Variants in TBC1D1 observed in about 807,000 individuals in gnomAD.
TBC1D1 encodes TBC1 domain family member 1, also known as TBC1 (tre-2/USP6, BUB2, cdc16) domain family, member 1.
Under a neutral mutation model 125.6 loss-of-function variants are expected in TBC1D1, and 89 were observed. That is an observed-to-expected ratio of 0.71 (90% confidence interval 0.60 to 0.85). The LOEUF is 0.85. Ranked by LOEUF, TBC1D1 falls within the 40% of genes least tolerant of loss-of-function variation. The probability of loss-of-function intolerance (pLI) is 0.00; values close to 1 mark genes in which losing one functional copy is unlikely to be tolerated. For missense variants in TBC1D1, 1,377 were observed against 1,469.2 expected (o/e 0.94, Z 1.03); for synonymous variants, 565 against 564.1 (o/e 1.00, Z -0.02).
At chr4:38,122,404 C>T (rs1764002068) in intron 17 of TBC1D1, among the ~76,000 whole-genome samples, 1 of 149,696 alleles carries the variant, frequency 6.7e-6, no homozygotes, top group Non-Finnish European at 1.5e-5. Flanking sequence ...CACCTTCTGC[C>T]CTGCACAACC....
chr4:38,078,710 C>G (rs894094361), intron 12 of TBC1D1, among the ~76,000 whole-genome samples: 1 of 152,216 alleles, frequency 6.6e-6, no homozygotes, highest in African/African-American at 2.4e-5. Flanking sequence ...TACTGCCACC[C>G]TGATCTTGGA....
intron 15 of TBC1D1, among the ~76,000 whole-genome samples, chr4:38,105,929 A>T (rs1761219368): frequency 6.6e-6 from 1 of 152,018 alleles, no homozygotes; most frequent in Non-Finnish European, 1.5e-5. Context: ...TGGTAGGATG[A>T]TTTATTTTGT....
intron 8 of TBC1D1, among the ~76,000 whole-genome samples, chr4:38,036,002 G>A (rs1747137463): frequency 6.6e-6 from 1 of 152,154 alleles, no homozygotes; most frequent in Non-Finnish European, 1.5e-5. Context: ...CTTGCAGGGA[G>A]CTGGTTTGTC....
rs545562784 is a variant in TBC1D1, at chr4:38,139,015, T to C, written c.*1680T>C. On this transcript the variant is annotated 3_prime_UTR_variant, in exon 20 of 20. Coordinates refer to ENST00000261439, the MANE Select transcript of TBC1D1 (RefSeq NM_015173.4). ...TCGTGGTTCCGCTAGATGTAACTTA[T>C]AGGAGTTAACATTTGAGGACTTTGT... is the stretch of plus-strand genomic sequence containing the variant. 7 of 152,726 alleles carry C rather than the reference T, an allele frequency of 4.6e-5. No individual in the cohort carries two copies. The highest frequency in any genetic ancestry group is 4.1e-4 in the South Asian group (2 of 4,826). The allele number at this position is 152,726 out of a possible 1,614,324, so 9.5% of individuals were successfully genotyped here. A position where few individuals can be genotyped will look rare whatever the true frequency, so the allele number is the denominator to read the frequency against.
chr4:38,125,745 G>A (rs374507948), intron 18 of TBC1D1, among the ~76,000 whole-genome samples: 1 of 152,298 alleles, frequency 6.6e-6, no homozygotes, highest in East Asian at 1.9e-4. Context: ...AAACTAGATG[G>A]TGAATGCCCT....
rs28702604 is a variant in TBC1D1, at chr4:38,097,632, G to A, written c.2398+1542G>A. 6.8e-3 allele frequency among the ~76,000 whole-genome samples: 1,031 copies of A among 152,110 alleles called. 11 individuals are homozygous for A. The highest frequency in any genetic ancestry group is 0.023 in the African/African-American group (971 of 41,502). On this transcript the variant is annotated intron_variant, in intron 14 of 19. Coordinates refer to ENST00000261439, the MANE Select transcript of TBC1D1 (RefSeq NM_015173.4). ...GCTGGGATTACAGGTGTGAGCCACCGTGCCCGGCCAATTTTTTGTGTTTTT... is the reference window on the plus strand; with the variant it reads ...GCTGGGATTACAGGTGTGAGCCACCATGCCCGGCCAATTTTTTGTGTTTTT...
At position 37,902,143 on chromosome 4, in the gene TBC1D1, G is replaced by A; in HGVS notation, c.48G>A (p.Glu16=). 6.2e-7 allele frequency: 1 copy of A among 1,612,630 alleles called. No individual in the cohort carries two copies. Among genetic ancestry groups the A allele is most frequent in the Non-Finnish European group, 8.5e-7 (1 of 1,179,478 alleles). The stretch of plus-strand genomic sequence containing the variant: ...CAAGGAAACATCTGCTTTCTAACGA[G>A]GTCTCGGTGGATTTTGGCCTGCAGC... The change falls in exon 2 of 20, where the codon GAG becomes GAA. Residue 16 remains glutamate (E), a synonymous_variant. Coordinates refer to ENST00000261439, the MANE Select transcript of TBC1D1 (RefSeq NM_015173.4).
At chr4:38,097,116 G>A (rs1203906151) in intron 14 of TBC1D1, among the ~76,000 whole-genome samples, 2 of 152,102 alleles carry the variant, frequency 1.3e-5, no homozygotes, top group East Asian at 3.9e-4. Context: ...TGTATAGAAT[G>A]GGTTTTTCCT....
intron 15 of TBC1D1, among the ~76,000 whole-genome samples, chr4:38,109,649 A>T (rs1761910960): frequency 6.8e-6 from 1 of 147,992 alleles, no homozygotes; most frequent in Admixed American, 6.8e-5. Flanking sequence ...CAGCCACTGG[A>T]CTCATTCAAG....
intron 18 of TBC1D1, among the ~76,000 whole-genome samples, chr4:38,130,182 T>A (rs1166947202): frequency 6.6e-6 from 1 of 152,242 alleles, no homozygotes. Flanking sequence ...AAGCCAGTTA[T>A]ATATAGCGAC....
chr4:38,051,668 G>A (rs898263527), intron 11 of TBC1D1, among the ~76,000 whole-genome samples: 7 of 152,052 alleles, frequency 4.6e-5, no homozygotes, highest in Admixed American at 2.0e-4. Flanking sequence ...GCATAAACAC[G>A]TGGGAAATGG....
At chr4:38,029,969 ATTGT>A (rs955246658) in intron 7 of TBC1D1, among the ~76,000 whole-genome samples, 6 of 152,184 alleles carry the variant, frequency 3.9e-5, no homozygotes, top group African/African-American at 1.4e-4. Context: ...TATGCTTCTG[ATTGT>A]TAATGCATTT....
At chr4:38,007,228 T>C (rs545742953) in intron 2 of TBC1D1, 1 of 152,564 alleles carries the variant, frequency 6.6e-6, no homozygotes, top group South Asian at 2.1e-4. Flanking sequence ...GCTTTTACTT[T>C]TTATTTTTTT....
chr4:38,026,211 G>A (rs1226021221), intron 6 of TBC1D1, among the ~76,000 whole-genome samples: 4 of 152,146 alleles, frequency 2.6e-5, no homozygotes, highest in African/African-American at 7.2e-5. Context: ...GTTTTCCTGG[G>A]TTAAAAAAAA....
intron 17 of TBC1D1, among the ~76,000 whole-genome samples, chr4:38,123,948 C>G (rs1297846134): frequency 6.6e-6 from 1 of 152,202 alleles, no homozygotes; most frequent in Non-Finnish European, 1.5e-5. Context: ...TATTAACCAT[C>G]TAGAGAGGCA....
rs555866280 is a variant in TBC1D1, at chr4:37,988,135, CTT to C, written c.418-26371_418-26370del. 3.3e-5 allele frequency among the ~76,000 whole-genome samples: 5 copies of C among 152,346 alleles called. No homozygotes were observed. In the South Asian group the frequency reaches 8.3e-4, roughly 25 times the overall value. ...AAGTGCATGTAAACCGTCAAGCACTCTTTTGGATGAACTTGTCTAGGAACAGC... is the reference window on the plus strand; with the variant it reads ...AAGTGCATGTAAACCGTCAAGCACTCTTGGATGAACTTGTCTAGGAACAGC... On this transcript the variant is annotated intron_variant, in intron 2 of 19. Coordinates refer to ENST00000261439, the MANE Select transcript of TBC1D1 (RefSeq NM_015173.4).
intron 2 of TBC1D1, among the ~76,000 whole-genome samples, chr4:37,961,632 C>T (rs1730078134): frequency 6.6e-6 from 1 of 152,220 alleles, no homozygotes; most frequent in African/African-American, 2.4e-5. Context: ...GGTTTCCTCT[C>T]TGGTTCCTGA....
At position 38,044,354 on chromosome 4, in the gene TBC1D1, T is replaced by C; in HGVS notation, c.1414-8T>C. ...CGATAAATGACTTTTCGTTTTTCAC[T>C]TTTTTAGACATCGCAGATGGCAGCA... On this transcript the variant is annotated splice_region_variant and splice_polypyrimidine_tract_variant and intron_variant, in intron 8 of 19. Transcript: ENST00000261439. 6.3e-7 allele frequency: 1 copy of C among 1,591,634 alleles called. No individual in the cohort carries two copies. Among genetic ancestry groups the C allele is most frequent in the East Asian group, 2.2e-5 (1 of 44,684 alleles).
At chr4:38,034,027 A>G (rs1578360104) in intron 7 of TBC1D1, among the ~76,000 whole-genome samples, 1 of 152,358 alleles carries the variant, frequency 6.6e-6, no homozygotes, top group East Asian at 1.9e-4. Flanking sequence ...CAAGGAGTGC[A>G]ATTGCTGGGT....
Sources: allele counts gnomAD v4.1 joint callset (sites outside exome capture counted in the v4.1 genomes callset), GRCh38; gene constraint gnomAD v4.1.1; transcripts MANE v1.5; gene names NCBI Gene and HGNC (gene_info 2026-07-23, HGNC 2026-07-21).